FAM169A: variants seen among roughly 807,000 people sequenced by gnomAD.
FAM169A encodes soluble lamin-associated protein of 75 kDa.
A neutral mutation model predicts 75.7 loss-of-function variants in FAM169A; 24 were observed. That is an observed-to-expected ratio of 0.32 (90% CI 0.23 to 0.45). The LOEUF is 0.45. Ranked by LOEUF, FAM169A falls within the 20% of genes least tolerant of loss-of-function variation. FAM169A has a pLI of 1.00. For missense variants in FAM169A, 673 were observed against 784.0 expected (o/e 0.86, Z 1.69); for synonymous variants, 271 against 271.0 (o/e 1.00, Z 0.00).
intron 6 of FAM169A, among the ~76,000 whole-genome samples, chr5:74,805,988 A>AAG (rs984542194): frequency 6.6e-6 from 1 of 151,538 alleles, no homozygotes; most frequent in Non-Finnish European, 1.5e-5. Context: ...AAAAAAAAAA[A>AAG]AAAAAGAAAT....
chr5:74,853,841 A>G (rs1014112354), intron 1 of FAM169A, among the ~76,000 whole-genome samples: 2 of 150,558 alleles, frequency 1.3e-5, no homozygotes, highest in Non-Finnish European at 3.0e-5. Context: ...CCGAGTAGCT[A>G]GGACTACAGG....
intron 5 of FAM169A, among the ~76,000 whole-genome samples, chr5:74,821,461 AGT>A (rs1747761787): frequency 6.6e-6 from 1 of 152,222 alleles, no homozygotes; most frequent in Non-Finnish European, 1.5e-5. Flanking sequence ...TGAAGCCATC[AGT>A]GTGTGACTGT....
intron 4 of FAM169A, among the ~76,000 whole-genome samples, chr5:74,835,807 C>T (rs1748545371): frequency 1.3e-5 from 2 of 152,100 alleles, no homozygotes; most frequent in South Asian, 4.2e-4. Flanking sequence ...CCAAGACAAC[C>T]CATTCCTTCC....
At chr5:74,799,753 C>T (rs1746464869) in intron 10 of FAM169A, 1 of 1,135,448 alleles carries the variant, frequency 8.8e-7, no homozygotes, top group South Asian at 1.2e-5. Context: ...AGTGTGTCAT[C>T]TGTCTCAGAC....
At chr5:74,819,910 C>G (rs1442410528) in intron 5 of FAM169A, among the ~76,000 whole-genome samples, 2 of 150,546 alleles carry the variant, frequency 1.3e-5, no homozygotes, top group African/African-American at 4.9e-5. Flanking sequence ...GTTTCTTTAG[C>G]GGAGGGATGA....
chr5:74,800,708 T>C (rs1746526893), intron 10 of FAM169A, among the ~76,000 whole-genome samples, 172 bp downstream of exon 10: 1 of 151,338 alleles, frequency 6.6e-6, no homozygotes, highest in Non-Finnish European at 1.5e-5. Flanking sequence ...CTACCTTAAA[T>C]GCTAAATACC....
rs1013020653 is a variant in FAM169A, at chr5:74,779,212, A to G, written c.*2248T>C. ...CCCCCAATGGTCATATATGATTAAT[A>G]AACATTTTTTGTAAACTCAACTATA... On this transcript the variant is annotated 3_prime_UTR_variant, in exon 13 of 13. Transcript: ENST00000687041. 3.3e-5 allele frequency: 5 copies of G among 152,178 alleles called. No homozygotes were observed. The highest frequency in any genetic ancestry group is 1.2e-4 in the African/African-American group (5 of 41,460). The allele number at this position is 152,178 out of a possible 1,614,324, so 9.4% of individuals were successfully genotyped here.
At position 74,779,025 on chromosome 5, in the gene FAM169A, CT is replaced by C. The variant is rs1424786382; in HGVS notation, c.*2434del. On this transcript the variant is annotated 3_prime_UTR_variant, in exon 13 of 13. Coordinates refer to ENST00000687041, the MANE Select transcript of FAM169A (RefSeq NM_001376049.1). Reference sequence around the variant, plus strand: ...AGTTAGGTTTTTCCAAGTGATCTAACTTTTCCCTCTATAATCTATAAACCCC... The same window carrying C: ...AGTTAGGTTTTTCCAAGTGATCTAACTTTCCCTCTATAATCTATAAACCCC... The C allele has an allele frequency of 6.6e-6, 1 of 152,102 alleles. No homozygotes were observed. The highest frequency in any genetic ancestry group is 1.5e-5 in the Non-Finnish European group (1 of 67,930). 9.4% of individuals were successfully genotyped at this position (152,102 alleles called of 1,614,324 possible). A position where few individuals can be genotyped will look rare whatever the true frequency, so the allele number is the denominator to read the frequency against.
intron 5 of FAM169A, among the ~76,000 whole-genome samples, chr5:74,833,553 T>C (rs577833956): frequency 3.9e-5 from 6 of 152,328 alleles, no homozygotes; most frequent in Non-Finnish European, 8.8e-5. Context: ...TGTGTACTAA[T>C]TATGGGATCA....
At chr5:74,836,999 G>C (rs1748603925) in intron 4 of FAM169A, among the ~76,000 whole-genome samples, 1 of 151,436 alleles carries the variant, frequency 6.6e-6, no homozygotes, top group Non-Finnish European at 1.5e-5. Context: ...GGCTGAAAGA[G>C]TCCACATAGT....
chr5:74,784,525 A>AAAAAAAAAAAC (rs1561285546), intron 11 of FAM169A, among the ~76,000 whole-genome samples: 2 of 148,532 alleles, frequency 1.3e-5, no homozygotes, highest in African/African-American at 5.0e-5. Context: ...AAAAAAAAAA[A>AAAAAAAAAAAC]AAAACAAGAA....
intron 6 of FAM169A, among the ~76,000 whole-genome samples, chr5:74,810,737 G>A (rs1185536398): frequency 4.0e-5 from 4 of 99,914 alleles, no homozygotes; most frequent in Admixed American, 2.7e-4. Context: ...GGGTGACACA[G>A]TGAGACTCCG....
At chr5:74,814,141 T>C (rs1737882877) in intron 5 of FAM169A, 122 bp from the exon 6 acceptor site, 1 of 586,770 alleles carries the variant, frequency 1.7e-6, no homozygotes. Flanking sequence ...ACGTTAAATA[T>C]ATAAATGTTA....
intron 6 of FAM169A, among the ~76,000 whole-genome samples, chr5:74,809,644 A>G (rs576538896): frequency 6.6e-6 from 1 of 152,338 alleles, no homozygotes; most frequent in East Asian, 1.9e-4. Context: ...GCAATTCAAT[A>G]CAACATAAGC....
intron 11 of FAM169A, among the ~76,000 whole-genome samples, chr5:74,786,850 G>A (rs1745720920): frequency 6.6e-6 from 1 of 152,180 alleles, no homozygotes; most frequent in Admixed American, 6.5e-5. Context: ...TGAGGGCCCT[G>A]ATTGGAAAAG....
At chr5:74,825,893 TTCATTGTGATGGATGC>T in intron 5 of FAM169A, among the ~76,000 whole-genome samples, 2 of 152,308 alleles carry the variant, frequency 1.3e-5, no homozygotes, top group South Asian at 4.1e-4. Context: ...TGTATCTTAA[TTCATTGTGATGGATGC>T]TCAATGGGCC....
chr5:74,865,754 A>T (rs1304909626), intron 1 of FAM169A: 2 of 152,348 alleles, frequency 1.3e-5, no homozygotes, highest in East Asian at 3.8e-4. Context: ...CACCTCCCCG[A>T]GTCCGCGTCT....
intron 5 of FAM169A, 139 bp from the exon 6 acceptor site, chr5:74,814,158 AAAGT>A: frequency 1.8e-6 from 1 of 553,696 alleles, no homozygotes; most frequent in South Asian, 4.2e-5. Context: ...GTTATAATAT[AAAGT>A]GTTTTTCAGC....
chr5:74,798,655 G>A, intron 10 of FAM169A, among the ~76,000 whole-genome samples: 1 of 152,130 alleles, frequency 6.6e-6, no homozygotes, highest in East Asian at 1.9e-4. Flanking sequence ...GTTGACTCAG[G>A]AACAGTTGGC....
Sources: gnomAD v4.1 joint callset for allele counts (sites outside exome capture counted in the v4.1 genomes callset) on GRCh38, gnomAD v4.1.1 for gene constraint, MANE v1.5 for transcripts, NCBI Gene and HGNC (gene_info 2026-07-23, HGNC 2026-07-21) for gene names.